GIN1: variants seen among roughly 807,000 people sequenced by gnomAD.
GIN1 encodes gypsy retrotransposon integrase-like protein 1.
In GIN1, 41 loss-of-function variants were observed where a neutral mutation model predicts 51.4. The ratio of observed to expected loss-of-function variants is 0.80; its 90% CI spans 0.62 to 1.04. The LOEUF (loss-of-function observed/expected upper bound fraction) is 1.04, where lower values mean the gene tolerates loss of function less well. Among genes scored for constraint, GIN1 ranks in the 50% least tolerant of loss-of-function variants. The pLI is 0.00. For synonymous variants in GIN1, 222 were observed against 206.5 expected, an observed-to-expected ratio of 1.07 and a Z score of -0.64; for missense variants, 610 against 612.4, an observed-to-expected ratio of 1.00 and a Z score of 0.04.
intron 6 of GIN1, 149 bp from the exon 7 acceptor site, chr5:103,096,975 CAA>C (rs1787413737): frequency 1.6e-6 from 1 of 626,454 alleles, no homozygotes; most frequent in African/African-American, 1.8e-5. Context: ...TAAAACATTT[CAA>C]AGTCAGTATT....
chr5:103,093,627 G>C (rs1554194752), intron 7 of GIN1, among the ~76,000 whole-genome samples: 1 of 152,134 alleles, frequency 6.6e-6, no homozygotes. Flanking sequence ...AATGAAAATG[G>C]TTTCACAAAT....
rs1398283152 is a variant in GIN1, at chr5:103,087,599, T to C, written c.*299A>G. Reference sequence around the variant, plus strand: ...AAACTTAGAAACGGTGCCAAAACCATACAAAGGTTTGAGAGATTTGGGCTG... The same window carrying C: ...AAACTTAGAAACGGTGCCAAAACCACACAAAGGTTTGAGAGATTTGGGCTG... On this transcript the variant is annotated 3_prime_UTR_variant, in exon 8 of 8. Transcript: ENST00000399004. The C allele has an allele frequency of 1.6e-5, 3 of 193,192 alleles. No homozygotes were observed. The highest frequency in any genetic ancestry group is 3.1e-5 in the Non-Finnish European group (3 of 96,294). 12.0% of individuals were successfully genotyped at this position (193,192 alleles called of 1,614,324 possible).
At chr5:103,117,262 T>C (rs1243346185) in intron 1 of GIN1, among the ~76,000 whole-genome samples, 1 of 152,128 alleles carries the variant, frequency 6.6e-6, no homozygotes, top group Non-Finnish European at 1.5e-5. Context: ...AAAATCATTA[T>C]GCTAAGTGAA....
chr5:103,100,145 T>A (rs1157555504), intron 4 of GIN1, among the ~76,000 whole-genome samples: 1 of 151,776 alleles, frequency 6.6e-6, no homozygotes, highest in African/African-American at 2.4e-5. Context: ...CTCAGTCTGT[T>A]ACCCAGGCTA....
At chr5:103,091,287 T>G (rs1787230677) in intron 7 of GIN1, among the ~76,000 whole-genome samples, 1 of 152,198 alleles carries the variant, frequency 6.6e-6, no homozygotes, top group Non-Finnish European at 1.5e-5. Flanking sequence ...TCTGTACTTT[T>G]CAAAATGTGG....
At chr5:103,104,979 C>T (rs1387158375) in intron 3 of GIN1, 133 bp from the exon 4 acceptor site, 1 of 594,368 alleles carries the variant, frequency 1.7e-6, no homozygotes, top group East Asian at 2.8e-5. Flanking sequence ...AACTTCTGGA[C>T]TGAGAATCAC....
At position 103,096,566 on chromosome 5, in the gene GIN1, G is replaced by A. The variant is rs781903264; in HGVS notation, c.1269C>T (p.Pro423=). The A allele has an allele frequency of 1.6e-5, 25 of 1,612,430 alleles. No homozygotes were observed. The highest frequency in any genetic ancestry group is 2.1e-5 in the Non-Finnish European group (25 of 1,178,886). The change falls in exon 7 of 8, where the codon CCC becomes CCT. Residue 423 remains proline, a synonymous_variant. Coordinates refer to ENST00000399004, the MANE Select transcript of GIN1 (RefSeq NM_017676.2). ...KRPIKMSHLK[P]YIRESSEQES... is the part of the protein sequence containing the mutation. Reference sequence around the variant, plus strand: ...CTTGTTCACTGGATTCTCTTATGTAGGGCTTAAGGTGGGACATTTTGATAG... The same window carrying A: ...CTTGTTCACTGGATTCTCTTATGTAAGGCTTAAGGTGGGACATTTTGATAG...
At chr5:103,108,307 G>C (rs767087070) in intron 2 of GIN1, among the ~76,000 whole-genome samples, 2 of 152,078 alleles carry the variant, frequency 1.3e-5, no homozygotes. Context: ...GGTAAAAGCA[G>C]AAGTTGTTAA....
In GIN1 at chr5:103,108,669, T is replaced by C. The variant is rs1787792870; in HGVS notation, c.39A>G (p.Lys13=). The change falls in exon 2 of 8, where the codon AAA becomes AAG. Residue 13 remains lysine, a synonymous_variant. Transcript: ENST00000399004. The stretch of plus-strand genomic sequence containing the variant: ...CAGTTCGTTTGTAATATGCAATCTG[T>C]TTAAGATGAAGGTCACCATTTTTTC... ...RSGKNGDLHL[K]QIAYYKRTGE... The C allele has an allele frequency of 5.0e-6, 8 of 1,604,316 alleles. No individual in the cohort carries two copies. Among genetic ancestry groups the C allele is most frequent in the Non-Finnish European group, 6.8e-6 (8 of 1,172,546 alleles).
In GIN1 at chr5:103,111,043, A is replaced by AG. The variant is rs1554196871; in HGVS notation, c.-7-2330_-7-2329insC. 1.7e-3 allele frequency among the ~76,000 whole-genome samples: 252 copies of AG among 152,242 alleles called. 1 individual carries two copies. Among genetic ancestry groups the AG allele is most frequent in the African/African-American group, 5.8e-3 (241 of 41,538 alleles). On this transcript the variant is annotated intron_variant, in intron 1 of 7. Coordinates refer to ENST00000399004, the MANE Select transcript of GIN1 (RefSeq NM_017676.2). Reference sequence around the variant, plus strand: ...ACACTCTCTCCTCTGCCAGGACTCCATGGCAAACTTTTACTTCCTAATCAA... The same window carrying AG: ...ACACTCTCTCCTCTGCCAGGACTCCAGTGGCAAACTTTTACTTCCTAATCAA...
chr5:103,099,660 T>C (rs1468360193), intron 4 of GIN1, among the ~76,000 whole-genome samples: 1 of 152,198 alleles, frequency 6.6e-6, no homozygotes, highest in African/African-American at 2.4e-5. Context: ...CCTTACTCTG[T>C]CAGCCCCCCA....
intron 7 of GIN1, among the ~76,000 whole-genome samples, chr5:103,090,267 T>A (rs571235934): frequency 1.3e-5 from 2 of 152,330 alleles, no homozygotes; most frequent in South Asian, 4.1e-4. Context: ...CCAGCCTAGG[T>A]GACAGAGCGA....
chr5:103,103,184 G>T (rs1363757146), intron 4 of GIN1, among the ~76,000 whole-genome samples: 9 of 152,190 alleles, frequency 5.9e-5, no homozygotes, highest in Admixed American at 5.9e-4. Context: ...CAGGTAGAAG[G>T]TGCTTATGTG....
intron 1 of GIN1, among the ~76,000 whole-genome samples, chr5:103,113,666 T>C (rs1554197126): frequency 6.6e-6 from 1 of 151,904 alleles, no homozygotes; most frequent in Non-Finnish European, 1.5e-5. Flanking sequence ...GGACTACGGG[T>C]GCATGCCACC....
At chr5:103,100,197 C>T (rs376124231) in intron 4 of GIN1, among the ~76,000 whole-genome samples, 1 of 151,550 alleles carries the variant, frequency 6.6e-6, no homozygotes, top group African/African-American at 2.4e-5. Flanking sequence ...ACCTCCTGGG[C>T]TCAAGCGATC....
At chr5:103,117,616 T>C (rs532164174) in intron 1 of GIN1, among the ~76,000 whole-genome samples, 2 of 121,050 alleles carry the variant, frequency 1.7e-5, no homozygotes, top group Non-Finnish European at 2.0e-5. Flanking sequence ...TCTAGGTTCA[T>C]GTAGGTAGAG....
intron 4 of GIN1, among the ~76,000 whole-genome samples, chr5:103,098,129 C>T (rs950337268): frequency 2.0e-5 from 3 of 152,180 alleles, no homozygotes; most frequent in African/African-American, 7.2e-5. Flanking sequence ...GATCCACCTG[C>T]CTTGGCCTCC....
chr5:103,087,058 G>A lies in GIN1; in HGVS notation c.*840C>T, dbSNP rs964620237. On this transcript the variant is annotated 3_prime_UTR_variant, in exon 8 of 8. Coordinates refer to ENST00000399004, the MANE Select transcript of GIN1 (RefSeq NM_017676.2). ...CATGAGCGCGGCTCACTGCAGCCTC[G>A]ACCTCCTGGGGTCAAGCAATGCTCC... is the stretch of plus-strand genomic sequence containing the variant. 4 of 152,178 alleles carry A rather than the reference G, an allele frequency of 2.6e-5. No individual in the cohort carries two copies. Among genetic ancestry groups the A allele is most frequent in the East Asian group, 3.9e-4 (2 of 5,188 alleles). 9.4% of individuals were successfully genotyped at this position (152,178 alleles called of 1,614,324 possible).
At chr5:103,111,411 G>A (rs981948003) in intron 1 of GIN1, among the ~76,000 whole-genome samples, 10 of 152,208 alleles carry the variant, frequency 6.6e-5, no homozygotes, top group Middle Eastern at 3.4e-3. Context: ...GTCACAAATC[G>A]TCTAAGCAAT....
Sources: gnomAD v4.1 joint callset for allele counts (sites outside exome capture counted in the v4.1 genomes callset) on GRCh38, gnomAD v4.1.1 for gene constraint, MANE v1.5 for transcripts, NCBI Gene and HGNC (gene_info 2026-07-23, HGNC 2026-07-21) for gene names.